The following DNAAF11 variants were observed in gnomAD, a reference collection of about 807,000 sequenced individuals.
The protein encoded by DNAAF11 is leucine rich repeat containing 6.
Under a neutral mutation model 60.8 loss-of-function variants are expected in DNAAF11, and 45 were observed. The observed-to-expected ratio is 0.74, with a 90% CI of 0.58 to 0.95. The LOEUF (loss-of-function observed/expected upper bound fraction) is 0.95, where lower values mean the gene tolerates loss of function less well. DNAAF11 is among the 40% of genes least tolerant of loss of function. DNAAF11 has a pLI of 0.00. For synonymous variants in DNAAF11, 191 were observed against 183.5 expected (o/e 1.04, Z -0.33); for missense variants, 546 against 546.2 (o/e 1.00, Z 0.00).
At chr8:132,578,420 C>A in intron 11 of DNAAF11, 1 of 1,484,282 alleles carries the variant, frequency 6.7e-7, no homozygotes, top group South Asian at 1.3e-5. Context: ...TTGCTTTCCC[C>A]GCCTTAATGT....
intron 11 of DNAAF11, among the ~76,000 whole-genome samples, chr8:132,580,792 A>G (rs1389704525): frequency 6.6e-6 from 1 of 152,218 alleles, no homozygotes; most frequent in Non-Finnish European, 1.5e-5. Context: ...TCCAAAGAAA[A>G]TCCCAATACA....
intron 4 of DNAAF11, among the ~76,000 whole-genome samples, chr8:132,636,752 AATG>A (rs1821338076): frequency 6.6e-6 from 1 of 152,188 alleles, no homozygotes; most frequent in Non-Finnish European, 1.5e-5. Flanking sequence ...ACTGTATAAT[AATG>A]ATCAGTTTAG....
intron 1 of DNAAF11, among the ~76,000 whole-genome samples, chr8:132,663,977 G>C (rs1824381120): frequency 6.6e-6 from 1 of 152,258 alleles, no homozygotes; most frequent in Admixed American, 6.5e-5. Flanking sequence ...AAAGGGAAGA[G>C]TGGGCCAGAG....
At chr8:132,675,938 G>GC (rs1318867864), upstream of DNAAF11, among the ~76,000 whole-genome samples, 1 of 152,170 alleles carries the variant, frequency 6.6e-6, no homozygotes, top group African/African-American at 2.4e-5. Flanking sequence ...TCTACCAGCG[G>GC]CGTGACCTTA....
chr8:132,614,399 G>A (rs569708465), intron 8 of DNAAF11, among the ~76,000 whole-genome samples: 2 of 152,352 alleles, frequency 1.3e-5, no homozygotes, highest in South Asian at 4.1e-4. Flanking sequence ...TTCAGGGAAT[G>A]AGGCAGAGTG....
At chr8:132,608,909 T>C (rs1250656899) in intron 10 of DNAAF11, among the ~76,000 whole-genome samples, 1 of 152,210 alleles carries the variant, frequency 6.6e-6, no homozygotes, top group Non-Finnish European at 1.5e-5. Flanking sequence ...AATGAATCCG[T>C]TGGAAATTGG....
At chr8:132,598,589 C>T (rs928759273) in intron 10 of DNAAF11, among the ~76,000 whole-genome samples, 1 of 152,266 alleles carries the variant, frequency 6.6e-6, no homozygotes, top group East Asian at 1.9e-4. Context: ...CAATATCTCC[C>T]AGACTGAAGG....
In DNAAF11 at chr8:132,627,387, G is replaced by A. The variant is rs140384764; in HGVS notation, c.654-1933C>T. Among the ~76,000 whole-genome samples the A allele has an allele frequency of 1.1e-3, 162 of 152,274 alleles. 1 individual carries two copies. The highest frequency in any genetic ancestry group is 3.7e-3 in the African/African-American group (152 of 41,540). ...TGCATATAAATGTGTGTAACTGGTT[G>A]ATGAAACAGAGTGAGCTCATTAGTG... On this transcript the variant is annotated intron_variant, in intron 5 of 11. Transcript: ENST00000620350.
chr8:132,674,157 G>A lies in DNAAF11; in HGVS notation c.10+1327C>T, dbSNP rs1586761471. On this transcript the variant is annotated intron_variant, in intron 1 of 11. Transcript: ENST00000620350. ...GGAGAAGGAGGAGGAAGAGGAGGAGGAGAAGGAGAAGGAGGAGGAGGAGAA... is the reference window on the plus strand; with the variant it reads ...GGAGAAGGAGGAGGAAGAGGAGGAGAAGAAGGAGAAGGAGGAGGAGGAGAA... 1.6e-5 allele frequency among the ~76,000 whole-genome samples: 2 copies of A among 121,218 alleles called. 1 individual carries two copies. The highest frequency in any genetic ancestry group is 7.8e-5 in the African/African-American group (2 of 25,500). The allele number at this position is 121,218 out of a possible 152,430, so 79.5% of individuals were successfully genotyped here. A position where few individuals can be genotyped will look rare whatever the true frequency, so the allele number is the denominator to read the frequency against.
At chr8:132,631,727 A>C (rs1820813667) in intron 5 of DNAAF11, among the ~76,000 whole-genome samples, 1 of 152,124 alleles carries the variant, frequency 6.6e-6, no homozygotes, top group African/African-American at 2.4e-5. Flanking sequence ...TTTCTTATTT[A>C]AAAAAAGATC....
intron 7 of DNAAF11, among the ~76,000 whole-genome samples, chr8:132,618,142 G>A (rs1272994301): frequency 8.6e-5 from 13 of 151,766 alleles, no homozygotes; most frequent in Admixed American, 3.9e-4. Context: ...AAACAATGCC[G>A]CATATCTACA....
the DNAAF11 span, among the ~76,000 whole-genome samples, chr8:132,689,696 C>CGTGTGT: frequency 2.7e-5 from 4 of 148,150 alleles, no homozygotes; most frequent in East Asian, 3.9e-4. Flanking sequence ...TGTGTATGTA[C>CGTGTGT]GTGTGTGTGT....
Position 132,625,354 on chromosome 8 carries a change from T to G in DNAAF11, c.754A>C (p.Lys252Gln), listed in dbSNP as rs767751389. ...NSEDDLEFWN[K>Q]PCLFTPESRL... is the part of the protein sequence containing the mutation. Reference sequence around the variant, plus strand: ...GATTCAGGAGTAAACAAACAGGGCTTATTCCAGAATTCCAAGTCATCTTCA... The same window carrying G: ...GATTCAGGAGTAAACAAACAGGGCTGATTCCAGAATTCCAAGTCATCTTCA... The change falls in exon 6 of 12, where the codon AAG becomes CAG. Residue 252 changes from lysine (K) to glutamine (Q), a missense_variant. Lys to Gln is a moderately conservative substitution (Grantham distance 53, BLOSUM62 1). Transcript: ENST00000620350. 47 of 1,613,534 alleles carry G rather than the reference T, an allele frequency of 2.9e-5. No homozygotes were observed. The highest frequency in any genetic ancestry group is 3.7e-5 in the Non-Finnish European group (44 of 1,179,700).
chr8:132,697,590 C>A, the DNAAF11 span, among the ~76,000 whole-genome samples: 12 of 151,148 alleles, frequency 7.9e-5, 1 homozygote, highest in South Asian at 2.5e-3. Context: ...TGCACCCCAG[C>A]CTGGGAGACA....
At chr8:132,585,722 G>T (rs1815825223) in intron 10 of DNAAF11, among the ~76,000 whole-genome samples, 1 of 152,150 alleles carries the variant, frequency 6.6e-6, no homozygotes, top group Non-Finnish European at 1.5e-5. Flanking sequence ...CTCATGGAAA[G>T]GTTTGTATTA....
At chr8:132,665,665 C>T (rs188657099) in intron 1 of DNAAF11, among the ~76,000 whole-genome samples, 5 of 152,252 alleles carry the variant, frequency 3.3e-5, no homozygotes, top group Admixed American at 6.5e-5. Flanking sequence ...CAAATTAGTT[C>T]AACCCCTATG....
At chr8:132,587,837 T>C (rs2131046910) in intron 10 of DNAAF11, among the ~76,000 whole-genome samples, 1 of 152,200 alleles carries the variant, frequency 6.6e-6, no homozygotes, top group African/African-American at 2.4e-5. Flanking sequence ...AAGTTGGGAG[T>C]GAACACAGAG....
rs1469235075 is a variant in DNAAF11 at position 132,675,487 on chromosome 8, A to G, written c.7T>C (p.Trp3Arg). The part of the protein sequence containing the change: MG[W>R]ITEDLIRRNA... Reference sequence around the variant, plus strand: ...CGGAAGGTGGAGGGGGGCTTACTCCAGCCCATGGCGCCTCTCCAGTTCGCT... The same window carrying G: ...CGGAAGGTGGAGGGGGGCTTACTCCGGCCCATGGCGCCTCTCCAGTTCGCT... Residue 3 changes from tryptophan to arginine, a missense_variant, in exon 1 of 12, where the codon TGG becomes CGG. Coordinates refer to ENST00000620350, the MANE Select transcript of DNAAF11 (RefSeq NM_012472.6). 2.6e-6 allele frequency: 4 copies of G among 1,568,242 alleles called. No individual in the cohort carries two copies. The highest frequency in any genetic ancestry group is 2.6e-6 in the Non-Finnish European group (3 of 1,154,118).
At chr8:132,701,627 C>G in the DNAAF11 span, among the ~76,000 whole-genome samples, 2 of 152,204 alleles carry the variant, frequency 1.3e-5, no homozygotes, top group African/African-American at 2.4e-5. Flanking sequence ...TGGGAAGACA[C>G]ACCGAATGCA....
Sources: allele counts gnomAD v4.1 joint callset (sites outside exome capture counted in the v4.1 genomes callset), GRCh38; gene constraint gnomAD v4.1.1; transcripts MANE v1.5; gene names NCBI Gene and HGNC (gene_info 2026-07-23, HGNC 2026-07-21).